METTL15: variants seen among roughly 807,000 people sequenced by gnomAD.
METTL15 encodes methyltransferase 15, mitochondrial 12S rRNA N4-cytidine, also known as 12S rRNA N(4)-cytidine methyltransferase METTL15.
METTL15 carries 34 observed loss-of-function variants against 38.3 expected under a neutral mutation model. The ratio of observed to expected loss-of-function variants is 0.89; its 90% CI spans 0.68 to 1.18. The LOEUF (loss-of-function observed/expected upper bound fraction) is 1.18. Among genes scored for constraint, METTL15 ranks in the 50% most tolerant of loss-of-function variants. The pLI, the probability that METTL15 is intolerant of heterozygous loss-of-function variation, is 0.00. For missense variants in METTL15, 438 were observed against 498.4 expected (o/e 0.88, Z 1.15); for synonymous variants, 162 against 170.9 (o/e 0.95, Z 0.41).
intron 6 of METTL15, among the ~76,000 whole-genome samples, chr11:28,451,731 C>T (rs988753242): frequency 1.3e-5 from 2 of 152,192 alleles, no homozygotes; most frequent in African/African-American, 2.4e-5. Flanking sequence ...GGCTTCCCTT[C>T]ACTGCTCACC....
chr11:28,210,652 G>A (rs576561962), intron 3 of METTL15, among the ~76,000 whole-genome samples: 1 of 151,982 alleles, frequency 6.6e-6, no homozygotes, highest in South Asian at 2.1e-4. Context: ...TTCATAGAAA[G>A]CTTTAAGAGA....
At chr11:28,272,535 A>G (rs1855685899) in intron 4 of METTL15, among the ~76,000 whole-genome samples, 1 of 152,144 alleles carries the variant, frequency 6.6e-6, no homozygotes, top group Non-Finnish European at 1.5e-5. Flanking sequence ...ACATGGACAC[A>G]GGGCAGGGAA....
intron 3 of METTL15, among the ~76,000 whole-genome samples, chr11:28,210,059 C>G (rs959839344): frequency 3.9e-5 from 6 of 151,960 alleles, no homozygotes; most frequent in Non-Finnish European, 5.9e-5. Flanking sequence ...TTACAATCAA[C>G]TAACTTGTAC....
At chr11:28,287,458 A>G (rs538499080) in intron 4 of METTL15, 52 of 427,460 alleles carry the variant, frequency 1.2e-4, no homozygotes, top group African/African-American at 9.9e-4. Flanking sequence ...TTTCCTAGCA[A>G]TGTGATCATC....
chr11:28,248,671 A>G (rs2133918569), intron 4 of METTL15, among the ~76,000 whole-genome samples: 1 of 152,212 alleles, frequency 6.6e-6, no homozygotes, highest in African/African-American at 2.4e-5. Context: ...GATAACTAAT[A>G]TTAGAGAAAG....
intron 3 of METTL15, among the ~76,000 whole-genome samples, chr11:28,175,818 A>G (rs2133772539): frequency 6.6e-6 from 1 of 152,216 alleles, no homozygotes; most frequent in Non-Finnish European, 1.5e-5. Context: ...TTCTTTGATC[A>G]CTGTAATTCT....
At chr11:28,147,724 A>G (rs1358309599) in intron 3 of METTL15, among the ~76,000 whole-genome samples, 2 of 151,778 alleles carry the variant, frequency 1.3e-5, no homozygotes, top group African/African-American at 2.4e-5. Context: ...ACACAGCATA[A>G]TCTATCCTTC....
intron 4 of METTL15, chr11:28,287,402 TG>T: frequency 2.6e-6 from 1 of 386,788 alleles, no homozygotes; most frequent in South Asian, 2.1e-5. Context: ...ATCTGGGGGC[TG>T]ATCACTCCAC....
intron 3 of METTL15, among the ~76,000 whole-genome samples, chr11:28,130,544 A>C (rs1852719798): frequency 6.6e-6 from 1 of 152,160 alleles, no homozygotes; most frequent in Non-Finnish European, 1.5e-5. Context: ...ATCTTTAAAG[A>C]ACAGAATATT....
chr11:28,161,051 G>A (rs1400435440), intron 3 of METTL15, among the ~76,000 whole-genome samples: 1 of 148,528 alleles, frequency 6.7e-6, no homozygotes, highest in Non-Finnish European at 1.5e-5. Flanking sequence ...TAAGTATTAA[G>A]TATTACAGTA....
chr11:28,335,231 T>A (rs1018456844), downstream of METTL15, among the ~76,000 whole-genome samples: 10 of 152,124 alleles, frequency 6.6e-5, no homozygotes, highest in African/African-American at 2.4e-4. Context: ...CAAGGAAAAG[T>A]CTTATTATTC....
At chr11:28,122,043 TA>T (rs759344995) in intron 3 of METTL15, 13 of 625,338 alleles carry the variant, frequency 2.1e-5, no homozygotes, top group Non-Finnish European at 2.6e-5. Flanking sequence ...TTGTATATGA[TA>T]TTTTTAGTTA....
intron 3 of METTL15, 55 bp downstream of exon 3, chr11:28,113,659 T>C: frequency 1.9e-6 from 3 of 1,560,858 alleles, no homozygotes; most frequent in Non-Finnish European, 2.6e-6. Context: ...ATTCACTTAT[T>C]GTAATATTCA....
chr11:28,186,586 T>A (rs1160764295), intron 3 of METTL15, among the ~76,000 whole-genome samples: 1 of 151,144 alleles, frequency 6.6e-6, no homozygotes, highest in Non-Finnish European at 1.5e-5. Context: ...TTTCATCATA[T>A]ACAAAAATAT....
chr11:28,359,001 A>T (rs543522946), intron 4 of METTL15, among the ~76,000 whole-genome samples: 59 of 152,146 alleles, frequency 3.9e-4, no homozygotes, highest in African/African-American at 1.4e-3. Flanking sequence ...CAGGATGCTG[A>T]GGTTTGGGGT....
At chr11:28,127,152 A>G (rs1354983278) in intron 3 of METTL15, among the ~76,000 whole-genome samples, 1 of 152,100 alleles carries the variant, frequency 6.6e-6, no homozygotes, top group African/African-American at 2.4e-5. Context: ...CTTTTTAAAA[A>G]GATAATTCTC....
chr11:28,117,919 CACTT>C (rs1334529821), intron 3 of METTL15, among the ~76,000 whole-genome samples: 1 of 152,218 alleles, frequency 6.6e-6, no homozygotes, highest in Non-Finnish European at 1.5e-5. Flanking sequence ...GTCATACACT[CACTT>C]GCATCAGTCA....
intron 6 of METTL15, among the ~76,000 whole-genome samples, chr11:28,309,660 T>A (rs112785779): frequency 1.3e-5 from 2 of 152,294 alleles, no homozygotes; most frequent in African/African-American, 4.8e-5. Flanking sequence ...AAATAACTTT[T>A]TCTCTCTGGT....
intron 6 of METTL15, among the ~76,000 whole-genome samples, chr11:28,324,011 C>A (rs1320693393): frequency 6.6e-6 from 1 of 152,170 alleles, no homozygotes; most frequent in Non-Finnish European, 1.5e-5. Flanking sequence ...TGTTCCCATA[C>A]TGGGTTTAGT....
Sources: allele counts gnomAD v4.1 joint callset (sites outside exome capture counted in the v4.1 genomes callset), GRCh38; gene constraint gnomAD v4.1.1; transcripts MANE v1.5; gene names NCBI Gene and HGNC (gene_info 2026-07-23, HGNC 2026-07-21).